UBE2V2: variants seen among roughly 807,000 people sequenced by gnomAD.
The protein encoded by UBE2V2 is ubiquitin-conjugating enzyme E2 variant 2.
A neutral mutation model predicts 17.2 loss-of-function variants in UBE2V2; 9 were observed. The ratio of observed to expected loss-of-function variants is 0.52; its 90% CI spans 0.32 to 0.91. The LOEUF (loss-of-function observed/expected upper bound fraction) is 0.91. Among genes scored for constraint, UBE2V2 ranks in the 40% least tolerant of loss-of-function variants. The probability of loss-of-function intolerance (pLI) is 0.04; values close to 1 mark genes in which losing one functional copy is unlikely to be tolerated. For synonymous variants in UBE2V2, 61 were observed against 57.5 expected (o/e 1.06, Z -0.28); for missense variants, 133 against 182.6 (o/e 0.73, Z 1.56).
At chr8:48,053,964 C>T (rs939087502) in intron 3 of UBE2V2, among the ~76,000 whole-genome samples, 2 of 151,710 alleles carry the variant, frequency 1.3e-5, no homozygotes, top group Admixed American at 6.6e-5. Flanking sequence ...GCCACCATGC[C>T]TGGCTAATTT....
intron 1 of UBE2V2, among the ~76,000 whole-genome samples, chr8:48,037,547 C>G (rs2091432898): frequency 6.6e-6 from 1 of 152,192 alleles, no homozygotes; most frequent in African/African-American, 2.4e-5. Context: ...CTTAGTAGAG[C>G]AAAACTCTCG....
chr8:48,038,821 C>T (rs562408117), intron 1 of UBE2V2, among the ~76,000 whole-genome samples: 1 of 151,976 alleles, frequency 6.6e-6, no homozygotes, highest in South Asian at 2.1e-4. Context: ...GACAGGGTTT[C>T]ACTGTGTTGA....
intron 3 of UBE2V2, among the ~76,000 whole-genome samples, chr8:48,054,533 T>C (rs1324613414): frequency 6.6e-6 from 1 of 152,204 alleles, no homozygotes; most frequent in African/African-American, 2.4e-5. Context: ...GACATCTGTT[T>C]TTCTCTTCAT....
intron 1 of UBE2V2, among the ~76,000 whole-genome samples, chr8:48,037,558 C>T (rs892437668): frequency 2.0e-5 from 3 of 152,218 alleles, no homozygotes; most frequent in Non-Finnish European, 4.4e-5. Context: ...AAAACTCTCG[C>T]TTTATGATGT....
chr8:48,055,580 T>C (rs1158249637), intron 3 of UBE2V2, among the ~76,000 whole-genome samples: 1 of 152,136 alleles, frequency 6.6e-6, no homozygotes, highest in East Asian at 1.9e-4. Context: ...ATAATTCACA[T>C]ACCATACAAT....
chr8:48,006,095 A>C (rs554741079), upstream of UBE2V2, among the ~76,000 whole-genome samples: 51 of 152,300 alleles, frequency 3.3e-4, no homozygotes, highest in Non-Finnish European at 6.5e-4. Context: ...GCCCATGCCT[A>C]CATCCTGAAT....
At chr8:48,019,195 T>A (rs2091288180) in intron 1 of UBE2V2, among the ~76,000 whole-genome samples, 1 of 152,076 alleles carries the variant, frequency 6.6e-6, no homozygotes, top group Admixed American at 6.6e-5. Flanking sequence ...TGAAACCCCA[T>A]CTCTACTAAA....
At chr8:48,000,258 T>C in the UBE2V2 span, among the ~76,000 whole-genome samples, 1 of 152,218 alleles carries the variant, frequency 6.6e-6, no homozygotes, top group Non-Finnish European at 1.5e-5. Context: ...GGCACCAAAA[T>C]GTCTACAGAT....
At chr8:48,044,356 C>A (rs1389640341) in intron 2 of UBE2V2, among the ~76,000 whole-genome samples, 1 of 152,164 alleles carries the variant, frequency 6.6e-6, no homozygotes, top group Non-Finnish European at 1.5e-5. Flanking sequence ...ACCATGTCGG[C>A]CAGGCTGGTC....
rs1417164079 is a variant in UBE2V2 at position 48,053,669 on chromosome 8, G to T, written c.291+3691G>T. Among the ~76,000 whole-genome samples the T allele has an allele frequency of 3.3e-5, 5 of 151,274 alleles. No individual in the cohort carries two copies. The South Asian group carries it at 1.0e-3, about 32-fold the overall frequency. ...TCAAACTCCTGACCTCAAATGATCC[G>T]CCCGCCTCGGCCTCCCAAAGTGCTG... On this transcript the variant is annotated intron_variant, in intron 3 of 3. Coordinates refer to ENST00000523111, the MANE Select transcript of UBE2V2 (RefSeq NM_003350.3).
At position 48,051,956 on chromosome 8, in the gene UBE2V2, CT is replaced by C. The variant is rs1235997900; in HGVS notation, c.291+1981del. ...CCCTCACAGTCCTCAGTTGGTCAGTCTTTGTGATTTACTGGGAGCATTTAGT... is the reference window on the plus strand; with the variant it reads ...CCCTCACAGTCCTCAGTTGGTCAGTCTTGTGATTTACTGGGAGCATTTAGT... On this transcript the variant is annotated intron_variant, in intron 3 of 3. Transcript: ENST00000523111. 5.3e-5 allele frequency among the ~76,000 whole-genome samples: 8 copies of C among 152,194 alleles called. 1 individual carries two copies. The highest frequency in any genetic ancestry group is 1.9e-4 in the African/African-American group (8 of 41,460).
chr8:47,999,060 A>G, the UBE2V2 span, among the ~76,000 whole-genome samples: 6 of 152,184 alleles, frequency 3.9e-5, no homozygotes, highest in African/African-American at 1.4e-4. Context: ...AGTGGTTTGT[A>G]ATTGGGGTTT....
chr8:48,055,426 C>G (rs192467372), intron 3 of UBE2V2, among the ~76,000 whole-genome samples: 1 of 151,830 alleles, frequency 6.6e-6, no homozygotes, highest in Non-Finnish European at 1.5e-5. Flanking sequence ...GTCTTGAACT[C>G]CTGATTTCAG....
chr8:48,005,141 G>A (rs913529719), upstream of UBE2V2, among the ~76,000 whole-genome samples: 9 of 150,692 alleles, frequency 6.0e-5, no homozygotes, highest in African/African-American at 9.8e-5. Flanking sequence ...TCTACATTAC[G>A]TATTTCTCCT....
chr8:48,035,131 T>TC (rs2091413449), intron 1 of UBE2V2: 815 of 910,962 alleles, frequency 8.9e-4, no homozygotes, highest in Non-Finnish European at 1.0e-3. Context: ...TTTTTTTTTT[T>TC]TGGAGGTGGA....
chr8:48,009,509 G>A (rs1482604871), intron 1 of UBE2V2, among the ~76,000 whole-genome samples: 1 of 152,038 alleles, frequency 6.6e-6, no homozygotes, highest in East Asian at 1.9e-4. Context: ...CAGGTGATCC[G>A]CCCACTTCGG....
At chr8:47,999,114 A>G in the UBE2V2 span, among the ~76,000 whole-genome samples, 1 of 152,134 alleles carries the variant, frequency 6.6e-6, no homozygotes, top group African/African-American at 2.4e-5. Flanking sequence ...GGCTGGCTTC[A>G]CCATGGCCCT....
chr8:48,031,199 A>G (rs1423912397), intron 1 of UBE2V2, among the ~76,000 whole-genome samples: 1 of 136,860 alleles, frequency 7.3e-6, no homozygotes, highest in African/African-American at 2.8e-5. Flanking sequence ...ACAGAGCAAG[A>G]CTCTGTCTCA....
chr8:48,017,319 A>G (rs369984845), intron 1 of UBE2V2, among the ~76,000 whole-genome samples: 53 of 150,244 alleles, frequency 3.5e-4, no homozygotes, highest in African/African-American at 1.3e-3. Flanking sequence ...TTGGTTATTA[A>G]CCCCTTATCA....
Sources: gnomAD v4.1 joint callset for allele counts (sites outside exome capture counted in the v4.1 genomes callset) on GRCh38, gnomAD v4.1.1 for gene constraint, MANE v1.5 for transcripts, NCBI Gene and HGNC (gene_info 2026-07-23, HGNC 2026-07-21) for gene names.